The following PIAS2 variants were observed in gnomAD, a reference collection of about 807,000 sequenced individuals.
PIAS2 encodes the protein protein inhibitor of activated STAT 2.
A neutral mutation model predicts 69.7 loss-of-function variants in PIAS2; 19 were observed. The ratio of observed to expected loss-of-function variants is 0.27; its 90% CI spans 0.19 to 0.40. The LOEUF is 0.40. Among genes scored for constraint, PIAS2 ranks in the 10% least tolerant of loss-of-function variants. The pLI is 1.00. For missense variants in PIAS2, 624 were observed against 757.0 expected (o/e 0.82, Z 2.06); for synonymous variants, 261 against 263.2 (o/e 0.99, Z 0.08).
At chr18:46,890,112 A>G (rs950604000) in intron 2 of PIAS2, among the ~76,000 whole-genome samples, 6 of 152,236 alleles carry the variant, frequency 3.9e-5, no homozygotes, top group African/African-American at 1.4e-4. Flanking sequence ...TATGATTCCA[A>G]CGACATGAGG....
rs1347762197 is a variant in PIAS2 at position 46,805,404 on chromosome 18, G to A, written c.*7029C>T. On this transcript the variant is annotated 3_prime_UTR_variant, in exon 14 of 14. Transcript: ENST00000585916. The stretch of plus-strand genomic sequence containing the variant: ...TAATGACCAGAATCAAGGAAGGCAA[G>A]GAACACTGTGAGTCAAAGCTTCCAG... 6.6e-6 allele frequency: 1 copy of A among 152,212 alleles called. No individual in the cohort carries two copies. The highest frequency in any genetic ancestry group is 2.4e-5 in the African/African-American group (1 of 41,444). 9.4% of individuals were successfully genotyped at this position (152,212 alleles called of 1,614,324 possible). A position where few individuals can be genotyped will look rare whatever the true frequency, so the allele number is the denominator to read the frequency against.
At chr18:46,814,933 C>T (rs1292907305) in intron 13 of PIAS2, among the ~76,000 whole-genome samples, 1 of 152,156 alleles carries the variant, frequency 6.6e-6, no homozygotes, top group East Asian at 1.9e-4. Flanking sequence ...TCAAGTCTGT[C>T]TAATCAGGTT....
rs886847125 is a variant in PIAS2 at position 46,806,652 on chromosome 18, A to G, written c.*5781T>C. 6.6e-6 allele frequency: 1 copy of G among 152,026 alleles called. No homozygotes were observed. Among genetic ancestry groups the G allele is most frequent in the Non-Finnish European group, 1.5e-5 (1 of 67,998 alleles). The allele number at this position is 152,026 out of a possible 1,614,324, so 9.4% of individuals were successfully genotyped here. A position where few individuals can be genotyped will look rare whatever the true frequency, so the allele number is the denominator to read the frequency against. On this transcript the variant is annotated 3_prime_UTR_variant, in exon 14 of 14. Transcript: ENST00000585916. ...ATTACAGGCATGAGCCACCATGCCC[A>G]GCTTAAGAATTCTTGATTTTTGGAA...
intron 9 of PIAS2, among the ~76,000 whole-genome samples, chr18:46,835,654 A>T (rs2044317585): frequency 6.6e-6 from 1 of 152,162 alleles, no homozygotes; most frequent in Admixed American, 6.6e-5. Flanking sequence ...CTATATATTG[A>T]GTAAAAATCA....
chr18:46,872,880 A>T (rs1167961440), intron 2 of PIAS2, among the ~76,000 whole-genome samples: 1 of 152,192 alleles, frequency 6.6e-6, no homozygotes, highest in East Asian at 1.9e-4. Flanking sequence ...GAAATCCACC[A>T]GGTTGAGGAG....
intron 1 of PIAS2, among the ~76,000 whole-genome samples, chr18:46,914,824 C>T (rs2057639430): frequency 6.6e-6 from 1 of 152,112 alleles, no homozygotes; most frequent in African/African-American, 2.4e-5. Context: ...AGTTAGCCAA[C>T]AAACTAATGC....
chr18:46,895,811 T>C lies in PIAS2; in HGVS notation c.25-4757A>G, dbSNP rs116364674. On this transcript the variant is annotated intron_variant, in intron 1 of 13. Coordinates refer to ENST00000585916, the MANE Select transcript of PIAS2 (RefSeq NM_004671.5). The stretch of plus-strand genomic sequence containing the variant: ...ACTATGTGGCAAGCCAGAAAGATAC[T>C]GCTTACTCTTTTCAAAGGTCATTGG... 3.6e-3 allele frequency among the ~76,000 whole-genome samples: 544 copies of C among 152,324 alleles called. 2 individuals are homozygous for C. The highest frequency in any genetic ancestry group is 0.013 in the African/African-American group (528 of 41,564).
intron 3 of PIAS2, among the ~76,000 whole-genome samples, chr18:46,861,270 A>T (rs867087791): frequency 1.3e-5 from 2 of 151,992 alleles, no homozygotes; most frequent in African/African-American, 2.4e-5. Flanking sequence ...AATGAATGAA[A>T]GAAAGAAAAG....
In PIAS2 at chr18:46,836,485, A is replaced by C; in HGVS notation, c.1074T>G (p.Arg358=). ...LGKMRLTIPC[R]AVTCTHLQCF... Reference sequence around the variant, plus strand: ...ACTGCAGATGTGTACAAGTCACTGCACGGCATGGGATTGTCAGCCTCATTT... The same window carrying C: ...ACTGCAGATGTGTACAAGTCACTGCCCGGCATGGGATTGTCAGCCTCATTT... Residue 358 remains arginine, a synonymous_variant, in exon 9 of 14, where the codon CGT becomes CGG. Transcript: ENST00000585916. 6.2e-7 allele frequency: 1 copy of C among 1,613,464 alleles called. No homozygotes were observed. Among genetic ancestry groups the C allele is most frequent in the Non-Finnish European group, 8.5e-7 (1 of 1,179,574 alleles).
chr18:46,807,364 TATATATATATATATATA>T lies in PIAS2; in HGVS notation c.*5052_*5068del, dbSNP rs1261578396. 5 of 26,616 alleles carry T rather than the reference TATATATATATATATATA, an allele frequency of 1.9e-4. No individual in the cohort carries two copies. Among genetic ancestry groups the T allele is most frequent in the African/African-American group, 1.3e-3 (5 of 3,986 alleles). The allele number at this position is 26,616 out of a possible 1,614,324, so 1.6% of individuals were successfully genotyped here. On this transcript the variant is annotated 3_prime_UTR_variant, in exon 14 of 14. Coordinates refer to ENST00000585916, the MANE Select transcript of PIAS2 (RefSeq NM_004671.5). The stretch of plus-strand genomic sequence containing the variant: ...TGAAACATGTCAGATTTTATATATA[TATATATATATATATATA>T]TATTTTTTTTTTTTTTTTTTTTTTT...
chr18:46,916,853 TAAG>T (rs1221324597), intron 1 of PIAS2: 3 of 985,284 alleles, frequency 3.0e-6, no homozygotes, highest in South Asian at 4.7e-5. Context: ...GCATCAGCCA[TAAG>T]AAGAGGAGAG....
At position 46,804,980 on chromosome 18, in the gene PIAS2, T is replaced by G. The variant is rs1227893794; in HGVS notation, c.*7453A>C. The G allele has an allele frequency of 1.3e-5, 2 of 151,988 alleles. No homozygotes were observed. The highest frequency in any genetic ancestry group is 2.9e-5 in the Non-Finnish European group (2 of 68,022). The allele number at this position is 151,988 out of a possible 1,614,324, so 9.4% of individuals were successfully genotyped here. ...TGAAGATGACAGGAGGAGACCAGAGTCAGTTGGCCTTAAAGGCCTACCTCA... is the reference window on the plus strand; with the variant it reads ...TGAAGATGACAGGAGGAGACCAGAGGCAGTTGGCCTTAAAGGCCTACCTCA... On this transcript the variant is annotated 3_prime_UTR_variant, in exon 14 of 14. Coordinates refer to ENST00000585916, the MANE Select transcript of PIAS2 (RefSeq NM_004671.5).
intron 3 of PIAS2, among the ~76,000 whole-genome samples, chr18:46,858,436 G>A (rs2145500850): frequency 6.6e-6 from 1 of 152,298 alleles, no homozygotes; most frequent in East Asian, 1.9e-4. Flanking sequence ...CTTGAAGCTG[G>A]GCGCAGTGGC....
At chr18:46,883,563 C>A (rs1294046387) in intron 2 of PIAS2, among the ~76,000 whole-genome samples, 1 of 151,850 alleles carries the variant, frequency 6.6e-6, no homozygotes, top group Non-Finnish European at 1.5e-5. Flanking sequence ...CAAAGCCTGG[C>A]AGAATGGCTC....
intron 1 of PIAS2, among the ~76,000 whole-genome samples, chr18:46,912,733 T>C (rs1345805972): frequency 6.6e-6 from 1 of 152,154 alleles, no homozygotes; most frequent in African/African-American, 2.4e-5. Context: ...ATTTTTAGAC[T>C]TTTGGAACAA....
At chr18:46,913,028 C>G (rs2057429229) in intron 1 of PIAS2, among the ~76,000 whole-genome samples, 1 of 152,194 alleles carries the variant, frequency 6.6e-6, no homozygotes, top group Non-Finnish European at 1.5e-5. Context: ...AACGTGCTTT[C>G]ATAGACATGA....
chr18:46,862,147 G>A (rs1002480797), intron 3 of PIAS2, among the ~76,000 whole-genome samples: 2 of 152,086 alleles, frequency 1.3e-5, no homozygotes, highest in Non-Finnish European at 2.9e-5. Flanking sequence ...CCTGGCCAAC[G>A]TGGTGAAACC....
At chr18:46,895,872 T>C (rs1238459851) in intron 1 of PIAS2, among the ~76,000 whole-genome samples, 1 of 152,182 alleles carries the variant, frequency 6.6e-6, no homozygotes, top group Admixed American at 6.5e-5. Context: ...CCTGGTGAAA[T>C]CATGTAATCC....
At chr18:46,855,789 C>A (rs1401699562) in intron 3 of PIAS2, among the ~76,000 whole-genome samples, 174 bp from the exon 4 acceptor site, 1 of 152,098 alleles carries the variant, frequency 6.6e-6, no homozygotes, top group Non-Finnish European at 1.5e-5. Context: ...TGATGATAAA[C>A]CTGACTTGCT....
Sources: allele counts gnomAD v4.1 joint callset (sites outside exome capture counted in the v4.1 genomes callset), GRCh38; gene constraint gnomAD v4.1.1; transcripts MANE v1.5; gene names NCBI Gene and HGNC (gene_info 2026-07-23, HGNC 2026-07-21).